The following PHACTR1 variants were observed in gnomAD, a reference collection of about 807,000 sequenced individuals.
PHACTR1 encodes RPEL repeat containing 1.
In PHACTR1, 16 loss-of-function variants were observed where a neutral mutation model predicts 69.2. The observed-to-expected ratio is 0.23, with a 90% confidence interval of 0.16 to 0.35. PHACTR1 has a LOEUF of 0.35. Among genes scored for constraint, PHACTR1 ranks in the 10% least tolerant of loss-of-function variants. PHACTR1 has a pLI of 1.00. For synonymous variants in PHACTR1, 312 were observed against 284.5 expected (o/e 1.10, Z -0.97); for missense variants, 510 against 734.7 (o/e 0.69, Z 3.54).
intron 4 of PHACTR1, among the ~76,000 whole-genome samples, chr6:12,930,531 C>A (rs565635029): frequency 1.1e-4 from 17 of 152,152 alleles, no homozygotes; most frequent in Non-Finnish European, 2.4e-4. Flanking sequence ...TTAACTTGTT[C>A]CCCAGAAAGT....
chr6:12,752,389 A>G (rs1206673074), intron 4 of PHACTR1, among the ~76,000 whole-genome samples: 1 of 152,216 alleles, frequency 6.6e-6, no homozygotes, highest in Non-Finnish European at 1.5e-5. Flanking sequence ...TTATGTCTTA[A>G]CCACAATTTA....
chr6:13,125,022 G>A (rs1819317677), intron 5 of PHACTR1, among the ~76,000 whole-genome samples: 1 of 152,098 alleles, frequency 6.6e-6, no homozygotes, highest in Non-Finnish European at 1.5e-5. Flanking sequence ...TACTCCTGAA[G>A]CACCAGTAAA....
intron 7 of PHACTR1, among the ~76,000 whole-genome samples, chr6:13,198,670 T>C (rs1354618517): frequency 6.6e-6 from 1 of 151,286 alleles, no homozygotes; most frequent in Non-Finnish European, 1.5e-5. Flanking sequence ...ATAAATCCCG[T>C]CATGTTTTAA....
intron 4 of PHACTR1, among the ~76,000 whole-genome samples, chr6:12,926,144 T>C (rs139379233): frequency 6.6e-6 from 1 of 152,288 alleles, no homozygotes; most frequent in Non-Finnish European, 1.5e-5. Flanking sequence ...TACTACTAGA[T>C]AGAACTCTGT....
chr6:13,097,663 A>G (rs910855583), intron 5 of PHACTR1, among the ~76,000 whole-genome samples: 1 of 152,190 alleles, frequency 6.6e-6, no homozygotes, highest in African/African-American at 2.4e-5. Flanking sequence ...ACATTGCCCT[A>G]CTGCAAACTT....
At position 13,246,602 on chromosome 6, in the gene PHACTR1, G is replaced by A. The variant is rs184919175; in HGVS notation, c.1391+16409G>A. Among the ~76,000 whole-genome samples the A allele has an allele frequency of 6.6e-6, 1 of 152,272 alleles. No individual in the cohort carries two copies. Among genetic ancestry groups the A allele is most frequent in the East Asian group, 1.9e-4 (1 of 5,194 alleles). On this transcript the variant is annotated intron_variant, in intron 10 of 14. Coordinates refer to ENST00000332995, the MANE Select transcript of PHACTR1 (RefSeq NM_030948.6). The surrounding 1 kb of genome is among the most constrained non-coding windows in gnomAD (Gnocchi z 4.2). ...GAATTATCTGTTCTTTGTTTCAGTG[G>A]TGAAGTTGGCATTTCCAGTCTATAA... is the stretch of plus-strand genomic sequence containing the variant.
chr6:13,047,923 C>T (rs1241295648), intron 4 of PHACTR1, among the ~76,000 whole-genome samples: 1 of 152,126 alleles, frequency 6.6e-6, no homozygotes, highest in African/African-American at 2.4e-5. Context: ...CCTAGGAGCC[C>T]ACCAAGAGTA....
At chr6:13,095,215 T>C (rs1813984644) in intron 5 of PHACTR1, among the ~76,000 whole-genome samples, 2 of 152,246 alleles carry the variant, frequency 1.3e-5, no homozygotes, top group Admixed American at 1.3e-4. Flanking sequence ...TACAGCAGCT[T>C]GAGCAGACTG....
chr6:12,771,850 G>GT (rs1177072800), intron 4 of PHACTR1, among the ~76,000 whole-genome samples: 1 of 152,142 alleles, frequency 6.6e-6, no homozygotes, highest in African/African-American at 2.4e-5. Flanking sequence ...AGGGATAGAA[G>GT]TTGGACAAGG....
chr6:13,011,245 A>G (rs1384854266), intron 4 of PHACTR1, among the ~76,000 whole-genome samples: 1 of 152,220 alleles, frequency 6.6e-6, no homozygotes, highest in African/African-American at 2.4e-5. Context: ...GCGGCCACTG[A>G]GCATGTGAAT....
At chr6:12,733,111 C>T (rs1304685070) in intron 3 of PHACTR1, among the ~76,000 whole-genome samples, 1 of 152,144 alleles carries the variant, frequency 6.6e-6, no homozygotes, top group Non-Finnish European at 1.5e-5. Context: ...ATTTCTTCTC[C>T]TTATTGTAGA....
chr6:12,758,449 G>A (rs1348685897), intron 4 of PHACTR1, among the ~76,000 whole-genome samples: 4 of 127,188 alleles, frequency 3.1e-5, no homozygotes, highest in Non-Finnish European at 4.8e-5. Flanking sequence ...CTGGGTGAAA[G>A]AGCGAGACTC....
At chr6:13,170,101 A>C (rs1201129275) in intron 6 of PHACTR1, among the ~76,000 whole-genome samples, 1 of 152,218 alleles carries the variant, frequency 6.6e-6, no homozygotes, top group Non-Finnish European at 1.5e-5. Flanking sequence ...CAATTCCTAC[A>C]TCACATGCGT....
intron 10 of PHACTR1, among the ~76,000 whole-genome samples, chr6:13,264,324 A>G (rs563648581): frequency 1.3e-5 from 2 of 152,118 alleles, no homozygotes; most frequent in South Asian, 2.1e-4. Flanking sequence ...TGCACTACCA[A>G]TTGGGCCTTT....
intron 4 of PHACTR1, among the ~76,000 whole-genome samples, chr6:12,868,443 C>G (rs1234483068): frequency 6.6e-6 from 1 of 151,968 alleles, no homozygotes; most frequent in Non-Finnish European, 1.5e-5. Context: ...GAGATGTCAA[C>G]CCCAGTAGAG....
chr6:13,115,555 A>G (rs1305007460), intron 5 of PHACTR1, among the ~76,000 whole-genome samples: 1 of 152,098 alleles, frequency 6.6e-6, no homozygotes, highest in Non-Finnish European at 1.5e-5. Context: ...CAGATAGTTT[A>G]TGTGGGAGGT....
intron 4 of PHACTR1, among the ~76,000 whole-genome samples, chr6:12,909,253 C>A (rs1386823538): frequency 6.6e-6 from 1 of 152,220 alleles, no homozygotes; most frequent in East Asian, 1.9e-4. Context: ...AAACTAGTGA[C>A]CCTTCTCCCA....
chr6:12,864,980 T>C (rs1000061213), intron 4 of PHACTR1, among the ~76,000 whole-genome samples: 1 of 152,220 alleles, frequency 6.6e-6, no homozygotes, highest in Non-Finnish European at 1.5e-5. Context: ...AAGTGTGGTG[T>C]GCTAGTGCCA....
At chr6:12,993,285 C>T (rs1323716814) in intron 4 of PHACTR1, among the ~76,000 whole-genome samples, 3 of 152,216 alleles carry the variant, frequency 2.0e-5, no homozygotes, top group Non-Finnish European at 2.9e-5. Context: ...CTTGTTTACT[C>T]TCTGCCAGGT....
Sources: allele counts gnomAD v4.1 joint callset (sites outside exome capture counted in the v4.1 genomes callset), GRCh38; gene constraint gnomAD v4.1.1; non-coding constraint Gnocchi (gnomAD v3.1); transcripts MANE v1.5; gene names NCBI Gene and HGNC (gene_info 2026-07-23, HGNC 2026-07-21).